The following C12orf43 variants were observed in gnomAD, a reference collection of about 807,000 sequenced individuals.
C12orf43 encodes chromosome 12 open reading frame 43.
A neutral mutation model predicts 20.6 loss-of-function variants in C12orf43; 15 were observed. That is an observed-to-expected ratio of 0.73 (90% CI 0.49 to 1.12). The LOEUF is 1.12. Ranked by LOEUF, C12orf43 falls within the 50% of genes most tolerant of loss-of-function variation. C12orf43 has a pLI of 0.00. For synonymous variants in C12orf43, 144 were observed against 130.8 expected, an observed-to-expected ratio of 1.10 and a Z score of -0.69; for missense variants, 334 against 344.4, an observed-to-expected ratio of 0.97 and a Z score of 0.24.
chr12:121,012,663 C>T, intron 1 of C12orf43: 1 of 489,456 alleles, frequency 2.0e-6, no homozygotes, highest in Non-Finnish European at 3.8e-6. Flanking sequence ...CCATCCTGGT[C>T]AACATGGTGA....
chr12:121,008,051 G>A (rs1024463187), intron 3 of C12orf43, among the ~76,000 whole-genome samples: 2 of 151,842 alleles, frequency 1.3e-5, no homozygotes, highest in African/African-American at 4.8e-5. Flanking sequence ...AGACCCCCAC[G>A]ACAAATGCTA....
intron 1 of C12orf43, among the ~76,000 whole-genome samples, chr12:121,012,849 T>TAAAAAAAACAAAAAAAAAAAA (rs1868513062): frequency 1.1e-5 from 1 of 92,002 alleles, no homozygotes; most frequent in African/African-American, 5.2e-5. Context: ...AGACTCCGTC[T>TAAAAAAAACAAAAAAAAAAAA]AAAAAAAAAA....
rs1262963746 is a variant in C12orf43, at chr12:121,003,171, CGT to C, written c.*980_*981del. 6.6e-6 allele frequency: 1 copy of C among 152,042 alleles called. No individual in the cohort carries two copies. Among genetic ancestry groups the C allele is most frequent in the Non-Finnish European group, 1.5e-5 (1 of 68,052 alleles). 9.4% of individuals were successfully genotyped at this position (152,042 alleles called of 1,614,324 possible). The stretch of plus-strand genomic sequence containing the variant: ...CCTCCTGAGTAGCTGGGATTACGGG[CGT>C]GTGTCAACATGCTCAGCTAATTTTT... On this transcript the variant is annotated 3_prime_UTR_variant, in exon 6 of 6. Transcript: ENST00000288757.
At chr12:121,015,128 C>T (rs1868783723) in intron 1 of C12orf43, among the ~76,000 whole-genome samples, 1 of 152,138 alleles carries the variant, frequency 6.6e-6, no homozygotes, top group Admixed American at 6.6e-5. Flanking sequence ...CTATCACTAC[C>T]CGCACTGTAC....
rs201934004 is a variant in C12orf43 at position 121,004,353 on chromosome 12, C to A, written c.589G>T (p.Ala197Ser). ...GAGTCGACACTGGCCACCTTCTTGG[C>A]TTTCTTTTTCAACTTCCTTTTCTTC... ...AKKKRKLKKK[A>S]KKVASVDSAV... is the part of the protein sequence containing the mutation. Residue 197 changes from alanine (A) to serine (S), a missense_variant, in exon 6 of 6, where the codon GCC becomes TCC. Coordinates refer to ENST00000288757, the MANE Select transcript of C12orf43 (RefSeq NM_022895.3). This position sits in a 1 kb window ranked among gnomAD's most constrained non-coding sequence, Gnocchi z 5.6. 1 of 1,614,160 alleles carries A rather than the reference C, an allele frequency of 6.2e-7. No individual in the cohort carries two copies. Among genetic ancestry groups the A allele is most frequent in the Non-Finnish European group, 8.5e-7 (1 of 1,179,976 alleles).
In C12orf43 at chr12:121,003,767, G is replaced by A; in HGVS notation, c.*386C>T. 1 of 218,868 alleles carries A rather than the reference G, an allele frequency of 4.6e-6. No individual in the cohort carries two copies. Among genetic ancestry groups the A allele is most frequent in the Admixed American group, 5.3e-5 (1 of 18,980 alleles). The allele number at this position is 218,868 out of a possible 1,614,324, so 13.6% of individuals were successfully genotyped here. The stretch of plus-strand genomic sequence containing the variant: ...ACTGTTTCTCACACCAGGCTAAGGA[G>A]GTGGTGGGGAAGGTCTCCCTTCCCC... On this transcript the variant is annotated 3_prime_UTR_variant, in exon 6 of 6. Transcript: ENST00000288757.
chr12:121,014,939 C>T lies in C12orf43; in HGVS notation c.145+1391G>A, dbSNP rs558229182. On this transcript the variant is annotated intron_variant, in intron 1 of 5. Coordinates refer to ENST00000288757, the MANE Select transcript of C12orf43 (RefSeq NM_022895.3). ...CAGTGAGCCATGATTGTGTCAGCCT[C>T]GGTAACAGACTGAGTCCTAGTTTTG... Among the ~76,000 whole-genome samples the T allele has an allele frequency of 7.9e-4, 119 of 151,474 alleles. 1 individual carries two copies. The highest frequency in any genetic ancestry group is 2.6e-3 in the African/African-American group (109 of 41,232).
Position 121,011,139 on chromosome 12 carries a change from T to A in C12orf43, c.153A>T (p.Ala51=), listed in dbSNP as rs756453529. The A allele has an allele frequency of 6.2e-7, 1 of 1,613,998 alleles. No homozygotes were observed. The highest frequency in any genetic ancestry group is 1.1e-5 in the South Asian group (1 of 91,056). The change falls in exon 2 of 6, where the codon GCA becomes GCT. Residue 51 remains alanine (A), a synonymous_variant. Coordinates refer to ENST00000288757, the MANE Select transcript of C12orf43 (RefSeq NM_022895.3). ...GTTGGGAGGTTGACAACTGGCTATT[T>A]GCAGCACCTGTGGAAAAATGAAAAT... ...HVAGKPRAGA[A]NSQLSTSQPS...
chr12:121,011,087 C>T lies in C12orf43; in HGVS notation c.188+17G>A, dbSNP rs536936192. ...ATTTGTTGAATAAGTGAAACTTGAA[C>T]CCAAAGTGCATAGTACCTGAGGCTC... On this transcript the variant is annotated intron_variant, in intron 2 of 5. Transcript: ENST00000288757. 6.2e-7 allele frequency: 1 copy of T among 1,613,526 alleles called. No individual in the cohort carries two copies. Among genetic ancestry groups the T allele is most frequent in the Non-Finnish European group, 8.5e-7 (1 of 1,179,480 alleles).
chr12:121,009,538 C>A (rs946296374), intron 3 of C12orf43, among the ~76,000 whole-genome samples: 1 of 151,980 alleles, frequency 6.6e-6, no homozygotes, highest in African/African-American at 2.4e-5. Context: ...GAGGGTGGAG[C>A]CTTGATGAAT....
chr12:121,000,969 G>A lies in C12orf43; in HGVS notation c.*3184C>T, dbSNP rs1214118869. The A allele has an allele frequency of 2.6e-6, 4 of 1,525,544 alleles. No individual in the cohort carries two copies. In the African/African-American group the frequency reaches 4.1e-5, roughly 16 times the overall value. 94.5% of individuals were successfully genotyped at this position (1,525,544 alleles called of 1,614,324 possible). A position where few individuals can be genotyped will look rare whatever the true frequency, so the allele number is the denominator to read the frequency against. On this transcript the variant is annotated 3_prime_UTR_variant, in exon 6 of 6. Transcript: ENST00000288757. Reference sequence around the variant, plus strand: ...TTATCTGCTGTGATCCAGGAGGTGTGGCCCTGCCTCCCCATCCTGAGTACC... The same window carrying A: ...TTATCTGCTGTGATCCAGGAGGTGTAGCCCTGCCTCCCCATCCTGAGTACC...
chr12:121,004,059 G>T lies in C12orf43; in HGVS notation c.*94C>A. The T allele has an allele frequency of 7.3e-7, 1 of 1,362,156 alleles. No homozygotes were observed. Among genetic ancestry groups the T allele is most frequent in the Non-Finnish European group, 1.0e-6 (1 of 953,644 alleles). The allele number at this position is 1,362,156 out of a possible 1,614,324, so 84.4% of individuals were successfully genotyped here. A position where few individuals can be genotyped will look rare whatever the true frequency, so the allele number is the denominator to read the frequency against. Reference sequence around the variant, plus strand: ...GTTTGCCAGCCCAGTCCTTGAACTTGGAGAGGGAGGTGGGGCTTGGAAATG... The same window carrying T: ...GTTTGCCAGCCCAGTCCTTGAACTTTGAGAGGGAGGTGGGGCTTGGAAATG... On this transcript the variant is annotated 3_prime_UTR_variant, in exon 6 of 6. Transcript: ENST00000288757. The surrounding 1 kb of genome is among the most constrained non-coding windows in gnomAD (Gnocchi z 5.6).
At chr12:121,013,399 A>G (rs905282452) in intron 1 of C12orf43, among the ~76,000 whole-genome samples, 1 of 152,176 alleles carries the variant, frequency 6.6e-6, no homozygotes, top group Non-Finnish European at 1.5e-5. Context: ...CGGGCAAGTC[A>G]CTTTCTCTCC....
Position 121,004,580 on chromosome 12 carries a change from AG to A in C12orf43, c.453-92del. 2 of 1,341,732 alleles carry A rather than the reference AG, an allele frequency of 1.5e-6. No individual in the cohort carries two copies. Among genetic ancestry groups the A allele is most frequent in the Non-Finnish European group, 2.0e-6 (2 of 989,202 alleles). 83.1% of individuals were successfully genotyped at this position (1,341,732 alleles called of 1,614,324 possible). ...CTGTCCTCCCTTGGTCCAGGTCACCAGAAGGTGGCCGCAGAGAGAGGCAGGT... is the reference window on the plus strand; with the variant it reads ...CTGTCCTCCCTTGGTCCAGGTCACCAAAGGTGGCCGCAGAGAGAGGCAGGT... On this transcript the variant is annotated intron_variant, in intron 5 of 5. Coordinates refer to ENST00000288757, the MANE Select transcript of C12orf43 (RefSeq NM_022895.3). This position sits in a 1 kb window ranked among gnomAD's most constrained non-coding sequence, Gnocchi z 5.6.
At position 121,001,124 on chromosome 12, in the gene C12orf43, C is replaced by A. The variant is rs1877445577; in HGVS notation, c.*3029G>T. 1 of 1,614,056 alleles carries A rather than the reference C, an allele frequency of 6.2e-7. No homozygotes were observed. The highest frequency in any genetic ancestry group is 8.5e-7 in the Non-Finnish European group (1 of 1,179,988). On this transcript the variant is annotated 3_prime_UTR_variant, in exon 6 of 6. Coordinates refer to ENST00000288757, the MANE Select transcript of C12orf43 (RefSeq NM_022895.3). ...AGACTCCAGCAATGGCCAGAGCCAC[C>A]TGCTGCCATCCAACCACAGCGTCAT...
chr12:121,009,808 T>C (rs1416874242), intron 3 of C12orf43, among the ~76,000 whole-genome samples: 2 of 152,220 alleles, frequency 1.3e-5, no homozygotes, highest in African/African-American at 4.8e-5. Flanking sequence ...ACACCTACTT[T>C]AGGAATGCCA....
chr12:121,015,635 C>T (rs958725733), intron 1 of C12orf43, among the ~76,000 whole-genome samples: 4 of 152,086 alleles, frequency 2.6e-5, no homozygotes, highest in African/African-American at 9.7e-5. Context: ...GTGTAAATGA[C>T]TTTTTTCCCC....
rs1877492816 is a variant in C12orf43 at position 121,001,626 on chromosome 12, C to T, written c.*2527G>A. On this transcript the variant is annotated 3_prime_UTR_variant, in exon 6 of 6. Transcript: ENST00000288757. ...CTGTGACCTGCTGAGCTCTGAGAGG[C>T]CCTGGATCAGCGTGGCCTTGTTCTG... 1 of 442,582 alleles carries T rather than the reference C, an allele frequency of 2.3e-6. No individual in the cohort carries two copies. The highest frequency in any genetic ancestry group is 2.0e-5 in the South Asian group (1 of 49,492). 27.4% of individuals were successfully genotyped at this position (442,582 alleles called of 1,614,324 possible). A position where few individuals can be genotyped will look rare whatever the true frequency, so the allele number is the denominator to read the frequency against.
At position 121,004,006 on chromosome 12, in the gene C12orf43, C is replaced by T. The variant is rs1385975475; in HGVS notation, c.*147G>A. On this transcript the variant is annotated 3_prime_UTR_variant, in exon 6 of 6. Transcript: ENST00000288757. This position sits in a 1 kb window ranked among gnomAD's most constrained non-coding sequence, Gnocchi z 5.6. ...GCCCAACTCTCGAGCAAGCCTTCAT[C>T]ACCATCAGGGTCTCATGGGCAGTCT... The T allele has an allele frequency of 1.1e-6, 1 of 892,414 alleles. No individual in the cohort carries two copies. The highest frequency in any genetic ancestry group is 1.8e-6 in the Non-Finnish European group (1 of 558,178). The allele number at this position is 892,414 out of a possible 1,614,324, so 55.3% of individuals were successfully genotyped here. A position where few individuals can be genotyped will look rare whatever the true frequency, so the allele number is the denominator to read the frequency against.
Sources: allele counts gnomAD v4.1 joint callset (sites outside exome capture counted in the v4.1 genomes callset), GRCh38; gene constraint gnomAD v4.1.1; non-coding constraint Gnocchi (gnomAD v3.1); transcripts MANE v1.5; gene names NCBI Gene and HGNC (gene_info 2026-07-23, HGNC 2026-07-21).